The following SPHKAP variants were observed in gnomAD, a reference collection of about 807,000 sequenced individuals.
The protein encoded by SPHKAP is SPHK1 interactor, AKAP domain containing, also known as A-kinase anchor protein SPHKAP.
In SPHKAP, 67 loss-of-function variants were observed where a neutral mutation model predicts 137.5. The ratio of observed to expected loss-of-function variants is 0.49; its 90% CI spans 0.40 to 0.60. SPHKAP has a LOEUF of 0.60. Among genes scored for constraint, SPHKAP ranks in the 20% least tolerant of loss-of-function variants. The pLI is 0.00. For missense variants in SPHKAP, 2,097 were observed against 2,069.3 expected (o/e 1.01, Z -0.26); for synonymous variants, 813 against 785.3 (o/e 1.04, Z -0.59).
chr2:228,009,527 T>G (rs1194346726), intron 7 of SPHKAP, among the ~76,000 whole-genome samples: 1 of 152,176 alleles, frequency 6.6e-6, no homozygotes, highest in Non-Finnish European at 1.5e-5. Context: ...TCATCTTCTC[T>G]GTAATTTCTG....
chr2:228,112,956 G>A (rs1698566572), intron 2 of SPHKAP, among the ~76,000 whole-genome samples: 1 of 152,102 alleles, frequency 6.6e-6, no homozygotes, highest in African/African-American at 2.4e-5. Flanking sequence ...GGGATACTGT[G>A]CATCTTTCCT....
At chr2:228,033,291 C>G (rs1695427829) in intron 3 of SPHKAP, among the ~76,000 whole-genome samples, 1 of 152,198 alleles carries the variant, frequency 6.6e-6, no homozygotes, top group Non-Finnish European at 1.5e-5. Context: ...AAGGCCATTA[C>G]ATAATGGTAA....
At chr2:228,160,008 C>T (rs1700228276) in intron 1 of SPHKAP, among the ~76,000 whole-genome samples, 1 of 152,182 alleles carries the variant, frequency 6.6e-6, no homozygotes, top group South Asian at 2.1e-4. Context: ...CATTCCCTAT[C>T]CTCAGCTGCC....
At chr2:228,123,521 G>A (rs541940676) in intron 2 of SPHKAP, among the ~76,000 whole-genome samples, 2 of 152,124 alleles carry the variant, frequency 1.3e-5, no homozygotes, top group African/African-American at 4.8e-5. Flanking sequence ...GCTTCTTTGA[G>A]AGAAACAGCT....
At chr2:228,016,340 T>C (rs1209233644) in intron 7 of SPHKAP, 66 bp downstream of exon 7, 1 of 1,497,098 alleles carries the variant, frequency 6.7e-7, no homozygotes, top group East Asian at 2.3e-5. Flanking sequence ...AAATTTAGAC[T>C]AAACACTGAT....
chr2:227,982,783 C>A (rs542509135), intron 11 of SPHKAP, among the ~76,000 whole-genome samples: 1 of 152,290 alleles, frequency 6.6e-6, no homozygotes, highest in Non-Finnish European at 1.5e-5. Context: ...CACTTCCGTA[C>A]AATGCTCTTT....
At chr2:228,165,296 C>T (rs369063289) in intron 1 of SPHKAP, among the ~76,000 whole-genome samples, 5 of 152,218 alleles carry the variant, frequency 3.3e-5, no homozygotes, top group Non-Finnish European at 7.3e-5. Flanking sequence ...TCCCACTACA[C>T]AGTTCTAATC....
chr2:228,114,864 G>C (rs971801633), intron 2 of SPHKAP, among the ~76,000 whole-genome samples: 2 of 152,034 alleles, frequency 1.3e-5, no homozygotes, highest in Non-Finnish European at 1.5e-5. Context: ...AGAATATTAA[G>C]AGCGATAACT....
chr2:228,074,358 G>T (rs1697105012), intron 3 of SPHKAP, among the ~76,000 whole-genome samples: 1 of 152,164 alleles, frequency 6.6e-6, no homozygotes, highest in Non-Finnish European at 1.5e-5. Flanking sequence ...ATTTATAAAG[G>T]AAAGAGGTTT....
chr2:228,049,375 A>G (rs541485233), intron 3 of SPHKAP, among the ~76,000 whole-genome samples: 1 of 152,332 alleles, frequency 6.6e-6, no homozygotes, highest in South Asian at 2.1e-4. Context: ...CATTTTCTAA[A>G]GTGTGATTCC....
rs182954893 is a variant in SPHKAP, at chr2:228,064,847, G to A, written c.247-37304C>T. ...ACTGTTGGAAGGGGCAAATTGCCAT[G>A]AGCCTTGAGCATCACTGGATGGCCT... On this transcript the variant is annotated intron_variant, in intron 3 of 11. Transcript: ENST00000392056. 2.6e-5 allele frequency among the ~76,000 whole-genome samples: 4 copies of A among 152,354 alleles called. No individual in the cohort carries two copies. The East Asian group carries it at 7.7e-4, about 29-fold the overall frequency.
intron 8 of SPHKAP, among the ~76,000 whole-genome samples, chr2:227,994,963 G>A (rs1353777728): frequency 6.6e-6 from 1 of 152,206 alleles, no homozygotes; most frequent in African/African-American, 2.4e-5. Context: ...TTCCACCTCA[G>A]CAAGGAATAG....
intron 3 of SPHKAP, among the ~76,000 whole-genome samples, chr2:228,054,083 G>A (rs1208507843): frequency 6.6e-6 from 1 of 152,132 alleles, no homozygotes; most frequent in Non-Finnish European, 1.5e-5. Context: ...TCTTGGCAGT[G>A]ATGGGGAAAA....
Position 228,154,606 on chromosome 2 carries a change from T to A in SPHKAP, c.33-22521A>T, listed in dbSNP as rs1438479946. Among the ~76,000 whole-genome samples the A allele has an allele frequency of 1.2e-4, 16 of 130,338 alleles. No individual in the cohort carries two copies. The East Asian group carries it at 3.8e-3, about 31-fold the overall frequency. The allele number at this position is 130,338 out of a possible 152,430, so 85.5% of individuals were successfully genotyped here. ...CTCTGTCACCCAGGCTGGAGTGCAG[T>A]GGCACGATCTAGGCTCACTGTAAGC... On this transcript the variant is annotated intron_variant, in intron 1 of 11. Transcript: ENST00000392056.
At chr2:228,040,557 A>G (rs1008442857) in intron 3 of SPHKAP, among the ~76,000 whole-genome samples, 6 of 152,186 alleles carry the variant, frequency 3.9e-5, no homozygotes, top group Non-Finnish European at 7.3e-5. Context: ...ATTTACATTT[A>G]AGACTGTCCA....
chr2:228,161,895 T>G lies in SPHKAP; in HGVS notation c.32+19672A>C, dbSNP rs143289664. Among the ~76,000 whole-genome samples, 3 of 152,290 alleles carry G rather than the reference T, an allele frequency of 2.0e-5. No individual in the cohort carries two copies. In the East Asian group the frequency reaches 5.8e-4, roughly 29 times the overall value. On this transcript the variant is annotated intron_variant, in intron 1 of 11. Transcript: ENST00000392056. ...AGTTGAAATGCCTTGTTTATAGCAT[T>G]GCCAGTACTATATTCAGAAATATTC... is the stretch of plus-strand genomic sequence containing the variant.
intron 7 of SPHKAP, among the ~76,000 whole-genome samples, chr2:228,005,010 C>T (rs1188579161): frequency 6.6e-6 from 1 of 152,188 alleles, no homozygotes; most frequent in Non-Finnish European, 1.5e-5. Context: ...CGGTGTGGTT[C>T]TGAGAAGAAT....
At chr2:228,168,182 T>C (rs1009059635) in intron 1 of SPHKAP, among the ~76,000 whole-genome samples, 1 of 148,880 alleles carries the variant, frequency 6.7e-6, no homozygotes, top group Non-Finnish European at 1.5e-5. Flanking sequence ...TAAATATGAA[T>C]AGACCATAAT....
chr2:228,096,607 A>G (rs1697989501), intron 3 of SPHKAP, among the ~76,000 whole-genome samples: 2 of 150,080 alleles, frequency 1.3e-5, no homozygotes, highest in Non-Finnish European at 3.0e-5. Context: ...GTTCAATTCA[A>G]ACCCATGTTG....
Sources: allele counts gnomAD v4.1 joint callset (sites outside exome capture counted in the v4.1 genomes callset), GRCh38; gene constraint gnomAD v4.1.1; transcripts MANE v1.5; gene names NCBI Gene and HGNC (gene_info 2026-07-23, HGNC 2026-07-21).